Variants in TMEM132D observed in about 807,000 individuals in gnomAD.
The protein encoded by TMEM132D is mature OL transmembrane protein.
Under a neutral mutation model 62.3 loss-of-function variants are expected in TMEM132D, and 21 were observed. The ratio of observed to expected loss-of-function variants is 0.34; its 90% CI spans 0.24 to 0.49. The LOEUF is 0.49. Among genes scored for constraint, TMEM132D ranks in the 20% least tolerant of loss-of-function variants. TMEM132D has a pLI of 0.99. For missense variants in TMEM132D, 1,346 were observed against 1,402.8 expected (o/e 0.96, Z 0.65); for synonymous variants, 621 against 575.6 (o/e 1.08, Z -1.13).
chr12:129,471,698 G>T (rs1269669210), intron 3 of TMEM132D, among the ~76,000 whole-genome samples: 1 of 152,194 alleles, frequency 6.6e-6, no homozygotes, highest in Non-Finnish European at 1.5e-5. Flanking sequence ...CTAGGCTTTT[G>T]TGTCAAATAG....
chr12:129,334,046 G>A (rs1330272603), intron 4 of TMEM132D, among the ~76,000 whole-genome samples: 1 of 152,010 alleles, frequency 6.6e-6, no homozygotes, highest in South Asian at 2.1e-4. Context: ...GCTTGAACCT[G>A]GGGGGCAGAG....
At chr12:129,241,341 T>C (rs1355464810) in intron 4 of TMEM132D, among the ~76,000 whole-genome samples, 3 of 152,178 alleles carry the variant, frequency 2.0e-5, no homozygotes, top group African/African-American at 7.2e-5. Context: ...CTGATTGCCT[T>C]GGAACGGCAA....
intron 4 of TMEM132D, among the ~76,000 whole-genome samples, chr12:129,266,701 C>T (rs1367973389): frequency 2.0e-5 from 3 of 151,554 alleles, no homozygotes; most frequent in Admixed American, 1.3e-4. Context: ...ATGAGACCAA[C>T]GTCTGTTATC....
At position 129,432,159 on chromosome 12, in the gene TMEM132D, TTGGA is replaced by T. The variant is rs767215290; in HGVS notation, c.1116-94346_1116-94343del. ...GATGGATGGATGGATGGATGGATGC[TTGGA>T]TGGATGGATGGATGGATGGATGGAT... is the stretch of plus-strand genomic sequence containing the variant. On this transcript the variant is annotated intron_variant, in intron 3 of 8. Transcript: ENST00000422113. Among the ~76,000 whole-genome samples, 778 of 134,406 alleles carry T rather than the reference TTGGA, an allele frequency of 5.8e-3. 5 individuals are homozygous for T. The highest frequency in any genetic ancestry group is 0.017 in the African/African-American group (563 of 33,996). 88.2% of individuals were successfully genotyped at this position (134,406 alleles called of 152,430 possible).
rs915832953 is a variant in TMEM132D, at chr12:129,145,264, T to C, written c.1444-60562A>G. ...CTTCTGTTTCTCTTACTAACTCTGA[T>C]TAATAACCTACCAAGCTTGTTTCAC... On this transcript the variant is annotated intron_variant, in intron 5 of 8. Transcript: ENST00000422113. Among the ~76,000 whole-genome samples, 12 of 152,296 alleles carry C rather than the reference T, an allele frequency of 7.9e-5. No individual in the cohort carries two copies. The East Asian group carries it at 2.3e-3, about 29-fold the overall frequency.
At chr12:129,415,119 T>C (rs1034097923) in intron 3 of TMEM132D, among the ~76,000 whole-genome samples, 4 of 152,266 alleles carry the variant, frequency 2.6e-5, no homozygotes, top group Admixed American at 6.5e-5. Flanking sequence ...TATGCTGTGA[T>C]GAACAATGAG....
chr12:129,336,586 G>T (rs1271524066), intron 4 of TMEM132D, among the ~76,000 whole-genome samples: 2 of 150,292 alleles, frequency 1.3e-5, no homozygotes, highest in African/African-American at 2.5e-5. Flanking sequence ...AAAAAAAAAA[G>T]AACATTACAT....
intron 3 of TMEM132D, among the ~76,000 whole-genome samples, chr12:129,515,683 C>G (rs1419602897): frequency 6.6e-6 from 1 of 152,160 alleles, no homozygotes. Flanking sequence ...GGGTCCTGCC[C>G]TATATCTGAA....
intron 2 of TMEM132D, among the ~76,000 whole-genome samples, chr12:129,549,987 G>T (rs1165538683): frequency 6.6e-6 from 1 of 152,124 alleles, no homozygotes; most frequent in Non-Finnish European, 1.5e-5. Flanking sequence ...GATAAACTGT[G>T]TCTTAGGAAA....
At chr12:129,592,070 C>A (rs265634) in intron 2 of TMEM132D, among the ~76,000 whole-genome samples, 4 of 151,896 alleles carry the variant, frequency 2.6e-5, no homozygotes, top group African/African-American at 9.7e-5. Flanking sequence ...TAATCTGATC[C>A]GATTTCCATT....
At position 129,092,652 on chromosome 12, in the gene TMEM132D, C is replaced by T. The variant is rs115518274; in HGVS notation, c.1444-7950G>A. Among the ~76,000 whole-genome samples the T allele has an allele frequency of 7.1e-3, 1,084 of 152,134 alleles. 11 individuals carry two copies. The highest frequency in any genetic ancestry group is 0.025 in the African/African-American group (1,035 of 41,494). ...GGAGGTTGCAGTGAGCTGAGACTCGCGCCATTTTACTCCAGCCTGGGCAAC... is the reference window on the plus strand; with the variant it reads ...GGAGGTTGCAGTGAGCTGAGACTCGTGCCATTTTACTCCAGCCTGGGCAAC... On this transcript the variant is annotated intron_variant, in intron 5 of 8. Coordinates refer to ENST00000422113, the MANE Select transcript of TMEM132D (RefSeq NM_133448.3).
At chr12:129,412,680 C>A (rs373967286) in intron 3 of TMEM132D, among the ~76,000 whole-genome samples, 311 of 152,248 alleles carry the variant, frequency 2.0e-3, no homozygotes, top group African/African-American at 7.0e-3. Context: ...CATGGTGAAA[C>A]CCCATCTCTA....
intron 5 of TMEM132D, among the ~76,000 whole-genome samples, chr12:129,118,988 G>T (rs1160827048): frequency 1.3e-5 from 2 of 152,176 alleles, no homozygotes; most frequent in East Asian, 3.9e-4. Context: ...ACTTAGAAAG[G>T]CTTACCTGCC....
At chr12:129,562,041 C>T (rs778778158) in intron 2 of TMEM132D, among the ~76,000 whole-genome samples, 1 of 152,066 alleles carries the variant, frequency 6.6e-6, no homozygotes, top group Non-Finnish European at 1.5e-5. Context: ...TTTCTAAAAA[C>T]CTTCTTGAGG....
At chr12:129,569,473 T>C (rs1877453697) in intron 2 of TMEM132D, among the ~76,000 whole-genome samples, 1 of 152,176 alleles carries the variant, frequency 6.6e-6, no homozygotes, top group Non-Finnish European at 1.5e-5. Flanking sequence ...TAAATATTCA[T>C]TGAGATCCTA....
At chr12:129,640,059 TACACAC>T (rs10591977) in intron 2 of TMEM132D, among the ~76,000 whole-genome samples, 46 of 150,768 alleles carry the variant, frequency 3.1e-4, no homozygotes, top group South Asian at 4.2e-4. Flanking sequence ...CACACACACA[TACACAC>T]ACACACACAC....
chr12:129,548,785 A>G (rs1315798198), intron 2 of TMEM132D, among the ~76,000 whole-genome samples: 1 of 152,252 alleles, frequency 6.6e-6, no homozygotes, highest in Admixed American at 6.5e-5. Context: ...CTGGCCAAGA[A>G]GAAAGTGGTT....
rs374022642 is a variant in TMEM132D at position 129,386,476 on chromosome 12, TAACACC to T, written c.1116-48665_1116-48660del. ...CTAATACCAACGCCAACGCCAACAC[TAACACC>T]AACACCAACACCACCAATGCTAACA... On this transcript the variant is annotated intron_variant, in intron 3 of 8. Coordinates refer to ENST00000422113, the MANE Select transcript of TMEM132D (RefSeq NM_133448.3). Among the ~76,000 whole-genome samples the T allele has an allele frequency of 7.3e-3, 1,105 of 151,066 alleles. 13 individuals carry two copies. The highest frequency in any genetic ancestry group is 0.025 in the African/African-American group (1,032 of 41,058).
chr12:129,643,828 C>T (rs919708627), intron 2 of TMEM132D, among the ~76,000 whole-genome samples: 2 of 150,724 alleles, frequency 1.3e-5, no homozygotes, highest in East Asian at 2.0e-4. Context: ...GAACCAATTC[C>T]GAACAGAACC....
Sources: allele counts gnomAD v4.1 joint callset (sites outside exome capture counted in the v4.1 genomes callset), GRCh38; gene constraint gnomAD v4.1.1; transcripts MANE v1.5; gene names NCBI Gene and HGNC (gene_info 2026-07-23, HGNC 2026-07-21).